Variants in SBF1 observed in about 807,000 individuals in gnomAD.
SBF1 encodes the protein myotubularin-related protein 5.
A neutral mutation model predicts 215.8 loss-of-function variants in SBF1; 65 were observed. The observed-to-expected ratio is 0.30, with a 90% CI of 0.25 to 0.37. The LOEUF (loss-of-function observed/expected upper bound fraction) is 0.37, where lower values mean the gene tolerates loss of function less well. Among genes scored for constraint, SBF1 ranks in the 10% least tolerant of loss-of-function variants. The probability of loss-of-function intolerance (pLI) is 1.00; values close to 1 mark genes in which losing one functional copy is unlikely to be tolerated. For missense variants in SBF1, 2,634 were observed against 2,667.8 expected, an observed-to-expected ratio of 0.99 and a Z score of 0.28; for synonymous variants, 1,410 against 1,122.8, an observed-to-expected ratio of 1.26 and a Z score of -5.11.
At position 50,454,976 on chromosome 22, in the gene SBF1, T is replaced by C. The variant is rs2067190523; in HGVS notation, c.4682-32A>G. On this transcript the variant is annotated intron_variant, in intron 34 of 40. Coordinates refer to ENST00000380817, the MANE Select transcript of SBF1 (RefSeq NM_002972.4). ...AGAAGCAGCACTGAGCCTGGGCCCC[T>C]CCTGACCCGTGGCTGCCCCAGCCCC... 4 of 1,613,862 alleles carry C rather than the reference T, an allele frequency of 2.5e-6. No individual in the cohort carries two copies. The South Asian group carries it at 3.3e-5, about 13-fold the overall frequency.
rs1187059920 is a variant in SBF1 at position 50,445,624 on chromosome 22, G to A, written c.*1518C>T. On this transcript the variant is annotated 3_prime_UTR_variant, in exon 41 of 41. Coordinates refer to ENST00000380817, the MANE Select transcript of SBF1 (RefSeq NM_002972.4). ...TTTCTCCCCTTACTCTGACCTGTGG[G>A]TTTTCCAGGTGCCAGGAACTTCGGT... 1 of 152,318 alleles carries A rather than the reference G, an allele frequency of 6.6e-6. No homozygotes were observed. Among genetic ancestry groups the A allele is most frequent in the Non-Finnish European group, 1.5e-5 (1 of 68,100 alleles). The allele number at this position is 152,318 out of a possible 1,614,324, so 9.4% of individuals were successfully genotyped here.
chr22:50,463,343 A>G lies in SBF1; in HGVS notation c.1839T>C (p.Arg613=). The G allele has an allele frequency of 6.2e-7, 1 of 1,612,072 alleles. No individual in the cohort carries two copies. The highest frequency in any genetic ancestry group is 1.7e-5 in the Admixed American group (1 of 59,824). ...QELHLHVQQN[R]AVLDHQQFDF... is the part of the protein sequence containing the mutation. ...CAAACTGCTGGTGGTCCAGGACCGCACGGTTCTGCTGCACATGCAGGTGCA... is the reference window on the plus strand; with the variant it reads ...CAAACTGCTGGTGGTCCAGGACCGCGCGGTTCTGCTGCACATGCAGGTGCA... The change falls in exon 16 of 41, where the codon CGT becomes CGC. Residue 613 remains arginine, a synonymous_variant. Transcript: ENST00000380817.
intron 1 of SBF1, among the ~76,000 whole-genome samples, chr22:50,472,686 C>T (rs946375508): frequency 4.6e-5 from 7 of 152,208 alleles, no homozygotes; most frequent in African/African-American, 1.7e-4. Flanking sequence ...ACAAGGCTAT[C>T]AAGGGGCAAA....
chr22:50,467,058 C>A, intron 5 of SBF1: 1 of 579,448 alleles, frequency 1.7e-6, no homozygotes, highest in Non-Finnish European at 3.1e-6. Flanking sequence ...CACCCAGGCA[C>A]AGGGCAGGGA....
intron 36 of SBF1, among the ~76,000 whole-genome samples, chr22:50,451,163 C>A (rs2067029462): frequency 4.0e-5 from 2 of 49,726 alleles, no homozygotes; most frequent in East Asian, 4.4e-4. Context: ...GACCCCATCT[C>A]TACAAAAAAA....
At chr22:50,465,176 C>T (rs1304334251) in intron 11 of SBF1, 39 bp downstream of exon 11, 1 of 1,613,618 alleles carries the variant, frequency 6.2e-7, no homozygotes, top group Admixed American at 1.7e-5. Flanking sequence ...CCACCATGCG[C>T]TTATCTCCTA....
Position 50,460,424 on chromosome 22 carries a change from G to C in SBF1, c.3147-16C>G. 6 of 1,605,328 alleles carry C rather than the reference G, an allele frequency of 3.7e-6. No individual in the cohort carries two copies. The highest frequency in any genetic ancestry group is 5.1e-6 in the Non-Finnish European group (6 of 1,174,140). On this transcript the variant is annotated splice_polypyrimidine_tract_variant and intron_variant, in intron 24 of 40. Coordinates refer to ENST00000380817, the MANE Select transcript of SBF1 (RefSeq NM_002972.4). The stretch of plus-strand genomic sequence containing the variant: ...GGACAGGGTTCTGAGGCCCACGAGA[G>C]TCAGCAAAGGTGAGAGGAGGAGGGA...
rs753288482 is a variant in SBF1, at chr22:50,462,550, C to T, written c.2127+9G>A. 8.7e-6 allele frequency: 14 copies of T among 1,609,782 alleles called. No individual in the cohort carries two copies. In the South Asian group the frequency reaches 8.8e-5, roughly 10 times the overall value. On this transcript the variant is annotated intron_variant, in intron 18 of 40. Transcript: ENST00000380817. ...CCCCCAGCCCCCAGCCCAGGGAGTC[C>T]CTGCGCACCTGGGCGGGGGCCAGGT...
intron 2 of SBF1, 127 bp from the exon 3 acceptor site, chr22:50,468,050 A>T: frequency 4.9e-6 from 6 of 1,218,910 alleles, no homozygotes; most frequent in Non-Finnish European, 6.9e-6. Flanking sequence ...TTGCTTGGAG[A>T]CCCTGGGGAC....
Position 50,459,850 on chromosome 22 carries a change from A to C in SBF1, c.3491+102T>G, listed in dbSNP as rs1199418924. ...CCCTCTGCCCGGAGTCTCCCCCTCC[A>C]CATTCCTTACATGACCAGAAGCCGT... is the stretch of plus-strand genomic sequence containing the variant. On this transcript the variant is annotated intron_variant, in intron 26 of 40. Transcript: ENST00000380817. 2.1e-6 allele frequency: 3 copies of C among 1,446,468 alleles called. No homozygotes were observed. The African/African-American group carries it at 4.2e-5, about 20-fold the overall frequency. The allele number at this position is 1,446,468 out of a possible 1,614,324, so 89.6% of individuals were successfully genotyped here.
chr22:50,466,449 G>A lies in SBF1; in HGVS notation c.689C>T (p.Ala230Val). 3 of 1,552,114 alleles carry A rather than the reference G, an allele frequency of 1.9e-6. No individual in the cohort carries two copies. ...ITNVLSLFCA[A>V]LTEHKVLFLS... ...GAAGAGAACCTTGTGCTCCGTGAGG[G>A]CGGCACAGAACAAAGACAGCACGTT... is the stretch of plus-strand genomic sequence containing the variant. The change falls in exon 7 of 41, where the codon GCC (alanine) becomes GTC (valine). Residue 230 changes from alanine (A) to valine (V), a missense_variant. Transcript: ENST00000380817.
rs943899982 is a variant in SBF1, at chr22:50,446,985, G to A, written c.*157C>T. Reference sequence around the variant, plus strand: ...AAAATAAGTTAGGGCCGGCCGGGCGGGGCGGGGCGGGGACGGGGGCTGTAC... The same window carrying A: ...AAAATAAGTTAGGGCCGGCCGGGCGAGGCGGGGCGGGGACGGGGGCTGTAC... On this transcript the variant is annotated 3_prime_UTR_variant, in exon 41 of 41. Coordinates refer to ENST00000380817, the MANE Select transcript of SBF1 (RefSeq NM_002972.4). The A allele has an allele frequency of 1.3e-6, 1 of 743,090 alleles. No homozygotes were observed. Among genetic ancestry groups the A allele is most frequent in the Non-Finnish European group, 2.3e-6 (1 of 427,824 alleles). 46.0% of individuals were successfully genotyped at this position (743,090 alleles called of 1,614,324 possible).
rs770850362 is a variant in SBF1, at chr22:50,464,377, G to C, written c.1701C>G (p.Arg567=). ...VNSARRLEVV[R]NCISYVFEGK... ...CCTCAAACACGTAGGAGATGCAGTT[G>C]CGCACAACCTCCAGCCGCCGGGCGC... is the stretch of plus-strand genomic sequence containing the variant. Residue 567 remains arginine, a synonymous_variant, in exon 15 of 41, where the codon CGC becomes CGG. Transcript: ENST00000380817. The C allele has an allele frequency of 3.7e-6, 6 of 1,614,114 alleles. No individual in the cohort carries two copies. Among genetic ancestry groups the C allele is most frequent in the Admixed American group, 1.7e-5 (1 of 60,030 alleles).
intron 31 of SBF1, chr22:50,455,794 C>T (rs762501878): frequency 1.2e-5 from 7 of 602,864 alleles, no homozygotes; most frequent in Non-Finnish European, 2.1e-5. Flanking sequence ...CAGCCCACCC[C>T]CTTCCAAGCC....
At chr22:50,474,615 G>A (rs1603436078) in intron 1 of SBF1, among the ~76,000 whole-genome samples, 171 bp downstream of exon 1, 1 of 109,528 alleles carries the variant, frequency 9.1e-6, no homozygotes, top group African/African-American at 3.9e-5. Flanking sequence ...GGCCCTCAGC[G>A]CCCAGCCCCC....
At position 50,454,855 on chromosome 22, in the gene SBF1, G is replaced by A. The variant is rs903738376; in HGVS notation, c.4771C>T (p.Pro1591Ser). Reference sequence around the variant, plus strand: ...GCATACATGTAATTGTGGAACACAGGCGTCCTCTTGCTCAGCCGGTCCACA... The same window carrying A: ...GCATACATGTAATTGTGGAACACAGACGTCCTCTTGCTCAGCCGGTCCACA... ...EYVDRLSKRT[P>S]VFHNYMYAPE... Residue 1591 changes from proline to serine, a missense_variant, in exon 35 of 41, where the codon CCT becomes TCT. Physicochemically the swap from Pro to Ser is moderately conservative, Grantham distance 74. Coordinates refer to ENST00000380817, the MANE Select transcript of SBF1 (RefSeq NM_002972.4). 15 of 1,613,928 alleles carry A rather than the reference G, an allele frequency of 9.3e-6. No homozygotes were observed. The highest frequency in any genetic ancestry group is 1.3e-5 in the Non-Finnish European group (15 of 1,179,990).
intron 1 of SBF1, among the ~76,000 whole-genome samples, chr22:50,472,516 T>C (rs2068032271): frequency 6.6e-6 from 1 of 152,168 alleles, no homozygotes; most frequent in African/African-American, 2.4e-5. Context: ...GCTCAGTCAC[T>C]AATGAAAGAA....
chr22:50,471,836 T>G (rs182857476), intron 1 of SBF1, among the ~76,000 whole-genome samples: 1 of 151,980 alleles, frequency 6.6e-6, no homozygotes. Flanking sequence ...GTGGGGACAG[T>G]AGATGGGGCT....
rs764722104 is a variant in SBF1 at position 50,464,333 on chromosome 22, T to C, written c.1745A>G (p.Lys582Arg). The change falls in exon 15 of 41, where the codon AAG becomes AGG. Residue 582 changes from lysine to arginine, a missense_variant. Physicochemically the swap from Lys to Arg is conservative, Grantham distance 26. Coordinates refer to ENST00000380817, the MANE Select transcript of SBF1 (RefSeq NM_002972.4). ...YVFEGKMLEA[K>R]KLLPAVLRAL... Reference sequence around the variant, plus strand: ...TGGAGCCTGCACAGCCCTCACCTTCTTGGCCTCAAGCATTTTCCCCTCAAA... The same window carrying C: ...TGGAGCCTGCACAGCCCTCACCTTCCTGGCCTCAAGCATTTTCCCCTCAAA... 6.2e-7 allele frequency: 1 copy of C among 1,613,216 alleles called. No homozygotes were observed. Among genetic ancestry groups the C allele is most frequent in the Non-Finnish European group, 8.5e-7 (1 of 1,179,414 alleles).
Sources: gnomAD v4.1 joint callset for allele counts (sites outside exome capture counted in the v4.1 genomes callset) on GRCh38, gnomAD v4.1.1 for gene constraint, MANE v1.5 for transcripts, NCBI Gene and HGNC (gene_info 2026-07-23, HGNC 2026-07-21) for gene names.